The following ZFPM2 variants were observed in gnomAD, a reference collection of about 807,000 sequenced individuals.
The protein encoded by ZFPM2 is zinc finger protein ZFPM2.
ZFPM2 carries 20 observed loss-of-function variants against 98.6 expected under a neutral mutation model. That is an observed-to-expected ratio of 0.20 (90% confidence interval 0.14 to 0.29). ZFPM2 has a LOEUF of 0.29. Among genes scored for constraint, ZFPM2 ranks in the 10% least tolerant of loss-of-function variants. ZFPM2 has a pLI of 1.00. For missense variants in ZFPM2, 1,310 were observed against 1,388.6 expected (o/e 0.94, Z 0.90); for synonymous variants, 518 against 502.7 (o/e 1.03, Z -0.41).
intron 3 of ZFPM2, among the ~76,000 whole-genome samples, chr8:105,531,395 C>T (rs1814293694): frequency 6.6e-6 from 1 of 152,144 alleles, no homozygotes; most frequent in Admixed American, 6.6e-5. Flanking sequence ...GTTCCTTGGC[C>T]TGTAGATGTG....
chr8:105,458,251 A>C (rs1239090093), intron 3 of ZFPM2, among the ~76,000 whole-genome samples: 7 of 152,208 alleles, frequency 4.6e-5, no homozygotes, highest in African/African-American at 1.7e-4. Flanking sequence ...ATACAAGGTC[A>C]CATACAAGGA....
chr8:105,325,469 TATTA>T (rs894444928), intron 1 of ZFPM2, among the ~76,000 whole-genome samples: 2 of 151,794 alleles, frequency 1.3e-5, no homozygotes, highest in African/African-American at 4.8e-5. Context: ...TCAATATTAG[TATTA>T]ATTAATCACC....
At chr8:105,787,431 G>C (rs979318364) in intron 5 of ZFPM2, 1 of 152,120 alleles carries the variant, frequency 6.6e-6, no homozygotes, top group African/African-American at 2.4e-5. Context: ...TCTCACAGAT[G>C]GTGTTTTGTT....
intron 1 of ZFPM2, among the ~76,000 whole-genome samples, chr8:105,334,118 C>CTGTGTGTGTGTGTGTGTGTGTG (rs71305145): frequency 8.3e-6 from 1 of 120,402 alleles, no homozygotes; most frequent in African/African-American, 3.5e-5. Flanking sequence ...TAGTAATAAA[C>CTGTGTGTGTGTGTGTGTGTGTG]TGTGTGTGTG....
At chr8:105,419,869 C>T (rs1354636089) in intron 2 of ZFPM2, among the ~76,000 whole-genome samples, 1 of 151,802 alleles carries the variant, frequency 6.6e-6, no homozygotes, top group Non-Finnish European at 1.5e-5. Flanking sequence ...GCACTTGAGA[C>T]ATATCACAGC....
intron 4 of ZFPM2, among the ~76,000 whole-genome samples, chr8:105,629,595 C>A (rs1468410214): frequency 6.6e-6 from 1 of 152,156 alleles, no homozygotes; most frequent in African/African-American, 2.4e-5. Flanking sequence ...TTTTGCCAGA[C>A]TAAAATCAAG....
chr8:105,764,410 GA>G (rs1812812284), intron 5 of ZFPM2, among the ~76,000 whole-genome samples: 1 of 150,766 alleles, frequency 6.6e-6, no homozygotes, highest in African/African-American at 2.4e-5. Flanking sequence ...GATTTTTATA[GA>G]AAATTTTCTT....
intron 1 of ZFPM2, among the ~76,000 whole-genome samples, chr8:105,341,849 C>T (rs1337342562): frequency 2.6e-5 from 4 of 151,984 alleles, no homozygotes; most frequent in African/African-American, 9.7e-5. Flanking sequence ...GCATCTAGAA[C>T]ATTCTGAAAT....
At chr8:105,783,474 T>C (rs2131119416) in intron 5 of ZFPM2, among the ~76,000 whole-genome samples, 1 of 152,248 alleles carries the variant, frequency 6.6e-6, no homozygotes, top group African/African-American at 2.4e-5. Context: ...TGTGCAACTA[T>C]TACCACCATC....
At chr8:105,764,135 C>G (rs1586247005) in intron 5 of ZFPM2, among the ~76,000 whole-genome samples, 1 of 151,756 alleles carries the variant, frequency 6.6e-6, no homozygotes, top group Admixed American at 6.6e-5. Flanking sequence ...CTCTTTGATC[C>G]TTTAGAACTA....
intron 4 of ZFPM2, among the ~76,000 whole-genome samples, chr8:105,633,695 G>A (rs548521459): frequency 2.6e-5 from 4 of 152,224 alleles, no homozygotes; most frequent in South Asian, 4.2e-4. Flanking sequence ...TGCATCATTA[G>A]CATTATTATT....
chr8:105,320,546 T>C (rs947816636), intron 1 of ZFPM2, among the ~76,000 whole-genome samples: 34 of 152,200 alleles, frequency 2.2e-4, no homozygotes, highest in Admixed American at 2.1e-3. Flanking sequence ...AAATGTTGCA[T>C]CTTAGAATAC....
chr8:105,503,996 A>G (rs1813647699), intron 3 of ZFPM2, among the ~76,000 whole-genome samples: 1 of 152,134 alleles, frequency 6.6e-6, no homozygotes, highest in African/African-American at 2.4e-5. Flanking sequence ...ATTCCCCTGC[A>G]GATAGTTGGT....
chr8:105,579,231 A>G (rs1245979157), intron 4 of ZFPM2, among the ~76,000 whole-genome samples: 2 of 152,206 alleles, frequency 1.3e-5, no homozygotes, highest in African/African-American at 4.8e-5. Context: ...CAAAGAGGAC[A>G]TCTTGATTTT....
intron 1 of ZFPM2, among the ~76,000 whole-genome samples, chr8:105,330,605 T>TACAC (rs1386506340): frequency 1.2e-4 from 3 of 24,470 alleles, no homozygotes; most frequent in African/African-American, 2.3e-4. Flanking sequence ...CATATATATA[T>TACAC]ATATACACAT....
At chr8:105,620,515 G>T (rs897068051) in intron 4 of ZFPM2, among the ~76,000 whole-genome samples, 1 of 152,098 alleles carries the variant, frequency 6.6e-6, no homozygotes, top group African/African-American at 2.4e-5. Context: ...TTCTTTTGTT[G>T]TGCAGAAGCT....
At chr8:105,565,338 T>C (rs1815221831) in intron 4 of ZFPM2, among the ~76,000 whole-genome samples, 1 of 152,178 alleles carries the variant, frequency 6.6e-6, no homozygotes, top group Non-Finnish European at 1.5e-5. Context: ...GTATCTTTTG[T>C]CCACACCTTA....
intron 5 of ZFPM2, among the ~76,000 whole-genome samples, chr8:105,787,821 G>A (rs573632786): frequency 1.3e-5 from 2 of 152,280 alleles, no homozygotes; most frequent in East Asian, 3.9e-4. Flanking sequence ...GCCTGAGAGT[G>A]TAGATAACAA....
chr8:105,431,293 C>T (rs995021183), intron 2 of ZFPM2, among the ~76,000 whole-genome samples: 20 of 152,258 alleles, frequency 1.3e-4, no homozygotes, highest in Admixed American at 9.2e-4. Flanking sequence ...CTCTAAATTA[C>T]GTTACTATGG....
Sources: allele counts gnomAD v4.1 joint callset (sites outside exome capture counted in the v4.1 genomes callset), GRCh38; gene constraint gnomAD v4.1.1; transcripts MANE v1.5; gene names NCBI Gene and HGNC (gene_info 2026-07-23, HGNC 2026-07-21).